The following RSBN1 variants were observed in gnomAD, a reference collection of about 807,000 sequenced individuals.
RSBN1 encodes round spermatid basic protein 1.
In RSBN1, 23 loss-of-function variants were observed where a neutral mutation model predicts 74.8. That is an observed-to-expected ratio of 0.31 (90% CI 0.22 to 0.44). The LOEUF (loss-of-function observed/expected upper bound fraction) is 0.44. Among genes scored for constraint, RSBN1 ranks in the 20% least tolerant of loss-of-function variants. The pLI is 1.00. For missense variants in RSBN1, 808 were observed against 1,020.9 expected, an observed-to-expected ratio of 0.79 and a Z score of 2.84; for synonymous variants, 407 against 379.6, an observed-to-expected ratio of 1.07 and a Z score of -0.84.
chr1:113,791,900 T>C (rs1336972923), intron 2 of RSBN1, among the ~76,000 whole-genome samples: 3 of 152,188 alleles, frequency 2.0e-5, no homozygotes, highest in Non-Finnish European at 4.4e-5. Flanking sequence ...GTATTACCAA[T>C]TCATTATAAA....
At chr1:113,803,323 T>C (rs547959304) in intron 1 of RSBN1, among the ~76,000 whole-genome samples, 1 of 152,354 alleles carries the variant, frequency 6.6e-6, no homozygotes, top group East Asian at 1.9e-4. Context: ...CTACAGGTTT[T>C]TGTGTGGACA....
intron 1 of RSBN1, among the ~76,000 whole-genome samples, chr1:113,808,889 A>G (rs1660772164): frequency 6.6e-6 from 1 of 152,216 alleles, no homozygotes; most frequent in South Asian, 2.1e-4. Flanking sequence ...ACTAATCTAC[A>G]TATGATAAAA....
rs1213611422 is a variant in RSBN1, at chr1:113,787,628, A to ACACTGGAAGCAGGGAATTAAGCAAAAT, written c.1377+9708_1377+9734dup. 3.3e-4 allele frequency among the ~76,000 whole-genome samples: 50 copies of ACACTGGAAGCAGGGAATTAAGCAAAAT among 152,214 alleles called. 1 individual carries two copies. Among genetic ancestry groups the ACACTGGAAGCAGGGAATTAAGCAAAAT allele is most frequent in the Non-Finnish European group, 2.5e-4 (17 of 68,028 alleles). On this transcript the variant is annotated intron_variant, in intron 2 of 6. Transcript: ENST00000261441. ...GGCACAAGCAAGGGAGAGAACCATTACACTGGAAGCAGGGAATTAAGCAAA... is the reference window on the plus strand; with the variant it reads ...GGCACAAGCAAGGGAGAGAACCATTACACTGGAAGCAGGGAATTAAGCAAAATCACTGGAAGCAGGGAATTAAGCAAA...
intron 4 of RSBN1, among the ~76,000 whole-genome samples, chr1:113,772,119 A>G (rs927367034): frequency 6.6e-6 from 1 of 152,142 alleles, no homozygotes. Context: ...AGCTAGCCAT[A>G]ATATTTTAGA....
At chr1:113,783,512 A>T (rs1660177059) in intron 2 of RSBN1, among the ~76,000 whole-genome samples, 3 of 152,172 alleles carry the variant, frequency 2.0e-5, no homozygotes, top group Admixed American at 6.5e-5. Flanking sequence ...CACCAACTGT[A>T]GGAAACTAAT....
At chr1:113,770,953 A>C (rs144456044) in intron 4 of RSBN1, among the ~76,000 whole-genome samples, 1 of 152,312 alleles carries the variant, frequency 6.6e-6, no homozygotes, top group African/African-American at 2.4e-5. Flanking sequence ...ATGAAGAAGA[A>C]ATTACCAAAC....
chr1:113,809,422 C>T (rs1449687845), intron 1 of RSBN1, among the ~76,000 whole-genome samples: 5 of 152,154 alleles, frequency 3.3e-5, no homozygotes, highest in African/African-American at 1.2e-4. Context: ...CTCCTGCATA[C>T]CACTGTAACA....
At chr1:113,769,545 T>C (rs1263497971) in intron 4 of RSBN1, among the ~76,000 whole-genome samples, 1 of 152,214 alleles carries the variant, frequency 6.6e-6, no homozygotes, top group Non-Finnish European at 1.5e-5. Flanking sequence ...GTTTATTATA[T>C]TGTTTTCTGC....
intron 1 of RSBN1, among the ~76,000 whole-genome samples, chr1:113,803,775 T>C (rs1456416928): frequency 2.0e-5 from 3 of 151,958 alleles, no homozygotes; most frequent in African/African-American, 4.8e-5. Context: ...GGTAAGCTCA[T>C]AAATCTCTTT....
Position 113,762,763 on chromosome 1 carries a change from T to C in RSBN1, c.*3217A>G, listed in dbSNP as rs2101784975. 6.5e-6 allele frequency: 1 copy of C among 152,890 alleles called. No homozygotes were observed. The highest frequency in any genetic ancestry group is 2.1e-4 in the South Asian group (1 of 4,832). 9.5% of individuals were successfully genotyped at this position (152,890 alleles called of 1,614,324 possible). A position where few individuals can be genotyped will look rare whatever the true frequency, so the allele number is the denominator to read the frequency against. On this transcript the variant is annotated 3_prime_UTR_variant, in exon 7 of 7. Transcript: ENST00000261441. ...AGGGAAAGGCAATAAGCAAGTTTTT[T>C]CCAGTCATTAAGTGTGACTTTTATG...
chr1:113,811,651 C>T (rs1011212842), intron 1 of RSBN1, 59 bp downstream of exon 1: 3 of 1,515,138 alleles, frequency 2.0e-6, no homozygotes, highest in African/African-American at 1.4e-5. Context: ...CCTAAAGATG[C>T]GGGATATCGG....
chr1:113,775,017 G>A (rs1659993267), intron 4 of RSBN1, among the ~76,000 whole-genome samples: 2 of 151,760 alleles, frequency 1.3e-5, no homozygotes, highest in African/African-American at 4.8e-5. Context: ...ATGCCTAAAT[G>A]GTGGCTACCT....
chr1:113,775,047 G>T (rs186679402), intron 4 of RSBN1, among the ~76,000 whole-genome samples: 79 of 145,880 alleles, frequency 5.4e-4, no homozygotes, highest in Non-Finnish European at 9.8e-4. Flanking sequence ...TTTTGGAGAT[G>T]AAGTCTTGCT....
chr1:113,779,178 T>TA (rs1277751957), intron 2 of RSBN1, among the ~76,000 whole-genome samples: 3 of 152,108 alleles, frequency 2.0e-5, no homozygotes, highest in African/African-American at 4.8e-5. Context: ...TAATGAACAT[T>TA]AAAAAAAATT....
intron 1 of RSBN1, among the ~76,000 whole-genome samples, chr1:113,801,171 C>T (rs1302625974): frequency 6.6e-6 from 1 of 151,904 alleles, no homozygotes; most frequent in East Asian, 1.9e-4. Context: ...TTAGTAGAGA[C>T]AGGGTTTCAC....
chr1:113,771,643 A>T (rs1331860130), intron 4 of RSBN1, among the ~76,000 whole-genome samples: 7 of 151,748 alleles, frequency 4.6e-5, no homozygotes, highest in Admixed American at 3.3e-4. Context: ...AAAGAAAGCC[A>T]TAGTCAAACA....
rs1659743935 is a variant in RSBN1 at position 113,764,563 on chromosome 1, A to G, written c.*1417T>C. On this transcript the variant is annotated 3_prime_UTR_variant, in exon 7 of 7. Coordinates refer to ENST00000261441, the MANE Select transcript of RSBN1 (RefSeq NM_018364.5). ...GAGAAAATTCATATTTGATATTTCAAAAGATGCAGCTAAGTTTTCATGGTG... is the reference window on the plus strand; with the variant it reads ...GAGAAAATTCATATTTGATATTTCAGAAGATGCAGCTAAGTTTTCATGGTG... The G allele has an allele frequency of 6.6e-6, 1 of 152,526 alleles. No individual in the cohort carries two copies. The highest frequency in any genetic ancestry group is 1.5e-5 in the Non-Finnish European group (1 of 67,996). 9.4% of individuals were successfully genotyped at this position (152,526 alleles called of 1,614,324 possible). A position where few individuals can be genotyped will look rare whatever the true frequency, so the allele number is the denominator to read the frequency against.
chr1:113,786,681 T>C (rs1310908457), intron 2 of RSBN1, among the ~76,000 whole-genome samples: 4 of 152,098 alleles, frequency 2.6e-5, no homozygotes, highest in Non-Finnish European at 5.9e-5. Context: ...TTTAAGCCAT[T>C]GTTTGGGGGC....
intron 1 of RSBN1, among the ~76,000 whole-genome samples, chr1:113,801,599 C>T (rs1009547322): frequency 1.2e-4 from 19 of 152,164 alleles, no homozygotes; most frequent in African/African-American, 4.3e-4. Context: ...TTTAGCTTTC[C>T]AACAGAGAAT....
Sources: allele counts gnomAD v4.1 joint callset (sites outside exome capture counted in the v4.1 genomes callset), GRCh38; gene constraint gnomAD v4.1.1; transcripts MANE v1.5; gene names NCBI Gene and HGNC (gene_info 2026-07-23, HGNC 2026-07-21).